The following MYH15 variants were observed in gnomAD, a reference collection of about 807,000 sequenced individuals.
MYH15 encodes the protein myosin heavy chain 15, also known as myosin-15.
Under a neutral mutation model 240.5 loss-of-function variants are expected in MYH15, and 227 were observed. The ratio of observed to expected loss-of-function variants is 0.94; its 90% CI spans 0.85 to 1.05. MYH15 has a LOEUF of 1.05. Ranked by LOEUF, MYH15 falls within the 50% of genes least tolerant of loss-of-function variation. MYH15 has a pLI of 0.00. For synonymous variants in MYH15, 785 were observed against 796.7 expected (o/e 0.99, Z 0.25); for missense variants, 2,217 against 2,247.5 (o/e 0.99, Z 0.27).
chr3:108,415,987 AT>A (rs959339856), intron 29 of MYH15, among the ~76,000 whole-genome samples: 1 of 152,084 alleles, frequency 6.6e-6, no homozygotes, highest in Non-Finnish European at 1.5e-5. Flanking sequence ...TGGACATGAT[AT>A]TTTTCTTCTC....
At chr3:108,448,276 A>G (rs2082944865) in intron 21 of MYH15, among the ~76,000 whole-genome samples, 1 of 152,092 alleles carries the variant, frequency 6.6e-6, no homozygotes, top group Non-Finnish European at 1.5e-5. Flanking sequence ...TACTTTAAAT[A>G]TAAATGAAAT....
chr3:108,381,627 G>T, intron 40 of MYH15, 68 bp from the exon 41 acceptor site: 2 of 1,559,820 alleles, frequency 1.3e-6, no homozygotes, highest in Non-Finnish European at 1.8e-6. Flanking sequence ...CACATGTCCA[G>T]AACCAAGCTG....
intron 33 of MYH15, 133 bp from the exon 34 acceptor site, chr3:108,399,400 T>C (rs2082487752): frequency 5.4e-6 from 4 of 734,066 alleles, no homozygotes; most frequent in Non-Finnish European, 8.7e-6. Flanking sequence ...ACTAACAAAA[T>C]GAGTCTAAGT....
chr3:108,404,123 T>C (rs897347515), intron 33 of MYH15, among the ~76,000 whole-genome samples: 4 of 152,094 alleles, frequency 2.6e-5, no homozygotes, highest in Non-Finnish European at 5.9e-5. Context: ...ACCTCTTAAG[T>C]AGATCAGAAT....
chr3:108,499,046 A>C (rs2083415682), intron 5 of MYH15, among the ~76,000 whole-genome samples: 2 of 152,092 alleles, frequency 1.3e-5, no homozygotes, highest in Non-Finnish European at 2.9e-5. Flanking sequence ...ATGTACTTTG[A>C]CCTGCCCCAA....
rs748285058 is a variant in MYH15, at chr3:108,492,619, A to AATTC, written c.776-28_776-25dup. On this transcript the variant is annotated intron_variant, in intron 8 of 40. Transcript: ENST00000693548. ...ATCTGGATGATGAGAAATGAATAAA[A>AATTC]ATTCATACTTAGGCATTCTTGCAAA... 6 of 1,567,502 alleles carry AATTC rather than the reference A, an allele frequency of 3.8e-6. No homozygotes were observed. In the African/African-American group the frequency reaches 6.8e-5, roughly 18 times the overall value.
At chr3:108,547,991 CAG>C in the MYH15 span, among the ~76,000 whole-genome samples, 3 of 152,116 alleles carry the variant, frequency 2.0e-5, no homozygotes, top group Non-Finnish European at 2.9e-5. Flanking sequence ...TGTTGACAGC[CAG>C]AGTCTTTCCA....
intron 25 of MYH15, among the ~76,000 whole-genome samples, chr3:108,431,243 T>G (rs1370417521): frequency 2.0e-5 from 3 of 152,216 alleles, no homozygotes; most frequent in Non-Finnish European, 4.4e-5. Context: ...ACTTCAATGA[T>G]TATACCTACA....
chr3:108,450,322 TAAAGAA>T, intron 21 of MYH15, among the ~76,000 whole-genome samples: 1 of 152,212 alleles, frequency 6.6e-6, no homozygotes, highest in East Asian at 1.9e-4. Flanking sequence ...GACAAATAAA[TAAAGAA>T]AATGTGTCAT....
chr3:108,414,530 G>C, intron 29 of MYH15, 102 bp from the exon 30 acceptor site: 1 of 1,031,190 alleles, frequency 9.7e-7, no homozygotes, highest in Non-Finnish European at 1.4e-6. Context: ...ATAACAACCT[G>C]CCACAAATTC....
intron 1 of MYH15, among the ~76,000 whole-genome samples, chr3:108,507,305 G>A (rs926429921): frequency 3.1e-5 from 4 of 129,468 alleles, no homozygotes; most frequent in African/African-American, 1.2e-4. Flanking sequence ...CTTAGTAGAA[G>A]CTCACAGAAG....
chr3:108,484,781 T>C (rs935495484), intron 11 of MYH15, among the ~76,000 whole-genome samples: 3 of 152,106 alleles, frequency 2.0e-5, no homozygotes, highest in East Asian at 1.9e-4. Context: ...TGTCCGGCCA[T>C]AATTTGTTCC....
At position 108,444,834 on chromosome 3, in the gene MYH15, A is replaced by G; in HGVS notation, c.2461T>C (p.Trp821Arg). 1 of 1,614,054 alleles carries G rather than the reference A, an allele frequency of 6.2e-7. No homozygotes were observed. Reference sequence around the variant, plus strand: ...TTGATCTTGAAGAAGAGCCTCATCCAGGGCCAGTTCTTCACAGCCATGAAA... The same window carrying G: ...TTGATCTTGAAGAAGAGCCTCATCCGGGGCCAGTTCTTCACAGCCATGAAA... The part of the protein sequence containing the change: ...RAFMAVKNWP[W>R]MRLFFKIKPL... The change falls in exon 22 of 41, where the codon TGG (tryptophan) becomes CGG (arginine). Residue 821 changes from tryptophan to arginine, a missense_variant. Physicochemically the swap from Trp to Arg is moderately radical, Grantham distance 101. Transcript: ENST00000693548.
rs1206610936 is a variant in MYH15, at chr3:108,490,749, CA to C, written c.871+1750del. On this transcript the variant is annotated intron_variant, in intron 9 of 40. Coordinates refer to ENST00000693548, the MANE Select transcript of MYH15 (RefSeq NM_014981.3). ...GTGTCTGCAAAGAATGTTGTCTTTT[CA>C]GAGAAATTCCCTGACAATTTCATCT... Among the ~76,000 whole-genome samples, 7 of 152,294 alleles carry C rather than the reference CA, an allele frequency of 4.6e-5. 1 individual carries two copies. In the East Asian group the frequency reaches 1.4e-3, roughly 29 times the overall value.
At chr3:108,402,706 C>T (rs1437805835) in intron 33 of MYH15, among the ~76,000 whole-genome samples, 1 of 152,208 alleles carries the variant, frequency 6.6e-6, no homozygotes, top group Non-Finnish European at 1.5e-5. Context: ...CAGAATACAG[C>T]TCAGAAAGAC....
the MYH15 span, among the ~76,000 whole-genome samples, chr3:108,549,442 T>C: frequency 1.6e-3 from 238 of 151,994 alleles, 3 homozygotes; most frequent in Non-Finnish European, 2.7e-3. Context: ...GACTTTCTTC[T>C]TTAGGGAGAG....
At chr3:108,392,913 T>G (rs1315965773) in intron 36 of MYH15, among the ~76,000 whole-genome samples, 1 of 152,212 alleles carries the variant, frequency 6.6e-6, no homozygotes, top group African/African-American at 2.4e-5. Flanking sequence ...ATCTTCAAGA[T>G]TTCACACACC....
rs562672526 is a variant in MYH15, at chr3:108,400,617, T to C, written c.4737-1350A>G. ...CGAGGTGGGCAGATCGAGACCAGCC[T>C]GGCCAACACGGTGAAATCCCATCCC... On this transcript the variant is annotated intron_variant, in intron 33 of 40. Coordinates refer to ENST00000693548, the MANE Select transcript of MYH15 (RefSeq NM_014981.3). 2.0e-5 allele frequency among the ~76,000 whole-genome samples: 3 copies of C among 152,234 alleles called. No homozygotes were observed. In the South Asian group the frequency reaches 6.2e-4, roughly 32 times the overall value.
chr3:108,511,455 T>C (rs28561472), upstream of MYH15, among the ~76,000 whole-genome samples: 2,958 of 152,244 alleles, frequency 0.019, 107 homozygotes, highest in African/African-American at 0.068. Context: ...AGGGACTAAG[T>C]TGCTGGACAA....
Sources: gnomAD v4.1 joint callset for allele counts (sites outside exome capture counted in the v4.1 genomes callset) on GRCh38, gnomAD v4.1.1 for gene constraint, MANE v1.5 for transcripts, NCBI Gene and HGNC (gene_info 2026-07-23, HGNC 2026-07-21) for gene names.